The following CACNA1I variants were observed in gnomAD, a reference collection of about 807,000 sequenced individuals.
CACNA1I encodes calcium voltage-gated channel subunit alpha1 I.
A neutral mutation model predicts 201.6 loss-of-function variants in CACNA1I; 74 were observed. The ratio of observed to expected loss-of-function variants is 0.37; its 90% confidence interval spans 0.30 to 0.45. The LOEUF is 0.45. CACNA1I is among the 20% of genes least tolerant of loss of function. The pLI is 1.00. For synonymous variants in CACNA1I, 1,431 were observed against 1,345.2 expected (o/e 1.06, Z -1.40); for missense variants, 2,346 against 3,138.1 (o/e 0.75, Z 6.03).
rs749293874 is a variant in CACNA1I at position 39,626,054 on chromosome 22, G to A, written c.580+6647G>A. Reference sequence around the variant, plus strand: ...GGAGCTCAGGGGCAGCCCTGAGCCCGAGCTCACAGTCCCTGACAATGCTGT... The same window carrying A: ...GGAGCTCAGGGGCAGCCCTGAGCCCAAGCTCACAGTCCCTGACAATGCTGT... On this transcript the variant is annotated intron_variant, in intron 4 of 36. Transcript: ENST00000402142. Among the ~76,000 whole-genome samples the A allele has an allele frequency of 5.7e-4, 87 of 152,320 alleles. 1 individual carries two copies. Among genetic ancestry groups the A allele is most frequent in the Middle Eastern group, 3.4e-3 (1 of 294 alleles).
intron 4 of CACNA1I, among the ~76,000 whole-genome samples, chr22:39,626,683 G>A (rs919108641): frequency 2.0e-5 from 3 of 151,872 alleles, no homozygotes; most frequent in Non-Finnish European, 4.4e-5. Context: ...TGCAACCTCC[G>A]CCTCCTGGGT....
intron 4 of CACNA1I, among the ~76,000 whole-genome samples, chr22:39,627,898 G>T (rs1860873794): frequency 6.6e-6 from 1 of 151,924 alleles, no homozygotes; most frequent in African/African-American, 2.4e-5. Context: ...GATGAAATGA[G>T]GGGGGCCAGT....
Position 39,686,165 on chromosome 22 carries a change from C to T in CACNA1I, c.6432C>T (p.Ala2144=), listed in dbSNP as rs1857780347. Residue 2144 remains alanine (A), a synonymous_variant, in exon 37 of 37, where the codon GCC becomes GCT. Transcript: ENST00000402142. ...SLFCPPPPPP[A]PGLTPARKFS... The stretch of plus-strand genomic sequence containing the variant: ...TCTGCCCGCCGCCCCCGCCGCCAGC[C>T]CCCGGCCTCACGCCCGCCAGGAAGT... 2 of 1,290,456 alleles carry T rather than the reference C, an allele frequency of 1.5e-6. No homozygotes were observed. The highest frequency in any genetic ancestry group is 1.6e-5 in the African/African-American group (1 of 64,332). 79.9% of individuals were successfully genotyped at this position (1,290,456 alleles called of 1,614,324 possible). A position where few individuals can be genotyped will look rare whatever the true frequency, so the allele number is the denominator to read the frequency against.
chr22:39,593,382 G>C (rs1159015487), intron 1 of CACNA1I, among the ~76,000 whole-genome samples: 1 of 152,196 alleles, frequency 6.6e-6, no homozygotes, highest in African/African-American at 2.4e-5. Flanking sequence ...GTACGTGCTA[G>C]CCAGGGCAGG....
chr22:39,673,858 C>A, intron 28 of CACNA1I, 105 bp from the exon 29 acceptor site: 3 of 1,042,544 alleles, frequency 2.9e-6, no homozygotes, highest in Non-Finnish European at 2.8e-6. Context: ...CTTGCACGTG[C>A]CTTCATGTTC....
chr22:39,619,317 G>A lies in CACNA1I; in HGVS notation c.490G>A (p.Glu164Lys). Residue 164 changes from glutamate (E) to lysine (K), a missense_variant, in exon 4 of 37, where the codon GAG becomes AAG. By Grantham distance (56) the Glu-to-Lys change is moderately conservative (BLOSUM62 1). Transcript: ENST00000402142. ...DFFIVMAGMV[E>K]YSLDLQNINL... ...TCTCTCCTTTCTCTGCAGGATGGTCGAGTACTCCCTGGACCTTCAGAACAT... is the reference window on the plus strand; with the variant it reads ...TCTCTCCTTTCTCTGCAGGATGGTCAAGTACTCCCTGGACCTTCAGAACAT... 1.9e-6 allele frequency: 3 copies of A among 1,607,954 alleles called. No homozygotes were observed. The highest frequency in any genetic ancestry group is 2.5e-6 in the Non-Finnish European group (3 of 1,179,082).
chr22:39,632,319 G>C (rs1356477008), intron 4 of CACNA1I, among the ~76,000 whole-genome samples: 3 of 152,072 alleles, frequency 2.0e-5, no homozygotes, highest in African/African-American at 7.2e-5. Flanking sequence ...AGAGCTGATC[G>C]AGGGTTCTGC....
At position 39,676,675 on chromosome 22, in the gene CACNA1I, C is replaced by T. The variant is rs908741374; in HGVS notation, c.4855-666C>T. On this transcript the variant is annotated intron_variant, in intron 29 of 36. Transcript: ENST00000402142. This position sits in a 1 kb window ranked among gnomAD's most constrained non-coding sequence, Gnocchi z 4.8. ...CGGGCCTGCGTGATTCCTGCCTTCC[C>T]TCCTCTCTATGGCCAGGCCTCATGC... Among the ~76,000 whole-genome samples, 2 of 152,198 alleles carry T rather than the reference C, an allele frequency of 1.3e-5. No homozygotes were observed. The highest frequency in any genetic ancestry group is 2.9e-5 in the Non-Finnish European group (2 of 68,040).
intron 2 of CACNA1I, among the ~76,000 whole-genome samples, chr22:39,598,623 A>G (rs1932949333): frequency 6.6e-6 from 1 of 151,716 alleles, no homozygotes; most frequent in Non-Finnish European, 1.5e-5. Context: ...CGCCACATGC[A>G]CACCTGCAAA....
chr22:39,589,503 G>A (rs1932797475), intron 1 of CACNA1I, among the ~76,000 whole-genome samples: 1 of 152,252 alleles, frequency 6.6e-6, no homozygotes, highest in Admixed American at 6.5e-5. Flanking sequence ...GTTCAAATTG[G>A]TGGCCACTGT....
chr22:39,674,840 T>G (rs1176744418), intron 29 of CACNA1I, among the ~76,000 whole-genome samples: 1 of 152,152 alleles, frequency 6.6e-6, no homozygotes, highest in East Asian at 1.9e-4. Flanking sequence ...GATACAAGAT[T>G]AATGGCCCAG....
chr22:39,620,785 A>G (rs1467386521), intron 4 of CACNA1I, among the ~76,000 whole-genome samples: 4 of 151,832 alleles, frequency 2.6e-5, no homozygotes, highest in Non-Finnish European at 5.9e-5. Flanking sequence ...CACAGCCCGT[A>G]GCTCTGTTGC....
intron 8 of CACNA1I, 138 bp downstream of exon 8, chr22:39,647,019 A>C: frequency 7.5e-7 from 1 of 1,333,918 alleles, no homozygotes; most frequent in South Asian, 1.6e-5. Context: ...CACAGCCCCC[A>C]GGGACCTCTG....
At chr22:39,652,294 C>G (rs982274275) in intron 10 of CACNA1I, among the ~76,000 whole-genome samples, 3 of 152,232 alleles carry the variant, frequency 2.0e-5, no homozygotes, top group African/African-American at 7.2e-5. Context: ...CCGTGCCCAG[C>G]CAGGTGGAGC....
chr22:39,635,347 G>A (rs1297183724), intron 5 of CACNA1I, among the ~76,000 whole-genome samples: 7 of 152,210 alleles, frequency 4.6e-5, no homozygotes, highest in Non-Finnish European at 7.4e-5. Context: ...GAAGGGGGGG[G>A]GTCCCTGCCC....
chr22:39,588,793 A>C (rs8140699), intron 1 of CACNA1I, among the ~76,000 whole-genome samples: 32 of 152,136 alleles, frequency 2.1e-4, no homozygotes, highest in African/African-American at 7.7e-4. Context: ...GGTACTCCCC[A>C]ACGTTACTGC....
At position 39,680,980 on chromosome 22, in the gene CACNA1I, G is replaced by C. The variant is rs369826847; in HGVS notation, c.5592G>C (p.Ser1864=). The C allele has an allele frequency of 3.1e-6, 5 of 1,611,734 alleles. No homozygotes were observed. Among genetic ancestry groups the C allele is most frequent in the African/African-American group, 2.7e-5 (2 of 74,910 alleles). Residue 1864 remains serine, a synonymous_variant, in exon 34 of 37, where the codon TCG becomes TCC. Coordinates refer to ENST00000402142, the MANE Select transcript of CACNA1I (RefSeq NM_021096.4). ...TCTCCCTGAACTCAGACAGGTCCTC[G>C]TCCATCCTGCTGGGTGACGACCTGA... ...EAFSLNSDRS[S]SILLGDDLSL... is the part of the protein sequence containing the mutation.
chr22:39,677,533 T>G lies in CACNA1I; in HGVS notation c.4933+114T>G. 4.2e-6 allele frequency: 3 copies of G among 716,854 alleles called. No homozygotes were observed. Among genetic ancestry groups the G allele is most frequent in the Non-Finnish European group, 6.7e-6 (3 of 446,476 alleles). 44.4% of individuals were successfully genotyped at this position (716,854 alleles called of 1,614,324 possible). On this transcript the variant is annotated intron_variant, in intron 30 of 36. Transcript: ENST00000402142. The surrounding 1 kb of genome is among the most constrained non-coding windows in gnomAD (Gnocchi z 4.8). ...GCCCGTCACATCAGGGTCTTTGTAT[T>G]GGGGAGATGCCTACAGCAGGGCCCT...
In CACNA1I at chr22:39,615,742, A is replaced by G. The variant is rs371150930; in HGVS notation, c.483-3568A>G. The stretch of plus-strand genomic sequence containing the variant: ...TGTTTCTTCTTCACTGAATGCATTT[A>G]TATGCTCTTATTCCCCCAGGCAGGA... On this transcript the variant is annotated intron_variant, in intron 3 of 36. Coordinates refer to ENST00000402142, the MANE Select transcript of CACNA1I (RefSeq NM_021096.4). Among the ~76,000 whole-genome samples, 4 of 152,128 alleles carry G rather than the reference A, an allele frequency of 2.6e-5. No individual in the cohort carries two copies. In the East Asian group the frequency reaches 5.8e-4, roughly 22 times the overall value.
Sources: gnomAD v4.1 joint callset for allele counts (sites outside exome capture counted in the v4.1 genomes callset) on GRCh38, gnomAD v4.1.1 for gene constraint, Gnocchi (gnomAD v3.1) non-coding constraint, MANE v1.5 for transcripts, NCBI Gene and HGNC (gene_info 2026-07-23, HGNC 2026-07-21) for gene names.